AGTPBP1: variants seen among roughly 807,000 people sequenced by gnomAD.
AGTPBP1 encodes cytosolic carboxypeptidase 1.
A neutral mutation model predicts 143.9 loss-of-function variants in AGTPBP1; 70 were observed. The ratio of observed to expected loss-of-function variants is 0.49; its 90% CI spans 0.40 to 0.59. AGTPBP1 has a LOEUF of 0.59. Among genes scored for constraint, AGTPBP1 ranks in the 20% least tolerant of loss-of-function variants. AGTPBP1 has a pLI of 0.00. For missense variants in AGTPBP1, 1,229 were observed against 1,464.5 expected, an observed-to-expected ratio of 0.84 and a Z score of 2.62; for synonymous variants, 463 against 500.2, an observed-to-expected ratio of 0.93 and a Z score of 0.99.
chr9:85,592,502 A>G (rs1349803979), intron 19 of AGTPBP1, 58 bp downstream of exon 19: 2 of 1,248,786 alleles, frequency 1.6e-6, no homozygotes, highest in Non-Finnish European at 2.2e-6. Flanking sequence ...ACTAAACTCA[A>G]TTTTCTTCCA....
the AGTPBP1 span, among the ~76,000 whole-genome samples, chr9:85,762,647 G>C: frequency 1.3e-5 from 2 of 151,310 alleles, no homozygotes; most frequent in African/African-American, 4.9e-5. Context: ...GGCAGCGATA[G>C]CATTAGGAGA....
At chr9:85,638,880 A>T (rs974786091) in intron 13 of AGTPBP1, among the ~76,000 whole-genome samples, 1 of 152,096 alleles carries the variant, frequency 6.6e-6, no homozygotes. Context: ...TTTTTAAAAT[A>T]CTTTTCACAG....
chr9:85,772,429 C>T, the AGTPBP1 span, among the ~76,000 whole-genome samples: 3 of 152,206 alleles, frequency 2.0e-5, no homozygotes, highest in Middle Eastern at 3.4e-3. Flanking sequence ...TACTTCACAT[C>T]AGCAGGGAAG....
chr9:85,711,441 C>CTTTTT (rs746034159), intron 2 of AGTPBP1, among the ~76,000 whole-genome samples: 2 of 139,310 alleles, frequency 1.4e-5, no homozygotes, highest in African/African-American at 2.6e-5. Flanking sequence ...TTTTTTCTTT[C>CTTTTT]TTTTTTTTTT....
At chr9:85,648,884 A>G (rs920274215) in intron 11 of AGTPBP1, among the ~76,000 whole-genome samples, 2 of 152,182 alleles carry the variant, frequency 1.3e-5, no homozygotes, top group African/African-American at 4.8e-5. Context: ...GGGAGAGGAG[A>G]AAATGCAGTT....
chr9:85,799,454 T>C, the AGTPBP1 span, among the ~76,000 whole-genome samples: 1 of 152,144 alleles, frequency 6.6e-6, no homozygotes, highest in East Asian at 1.9e-4. Context: ...GGAGGATCAT[T>C]TGAGGCCAGG....
chr9:85,779,626 G>A, the AGTPBP1 span, among the ~76,000 whole-genome samples: 1 of 152,004 alleles, frequency 6.6e-6, no homozygotes, highest in Non-Finnish European at 1.5e-5. Flanking sequence ...TCAATACTTG[G>A]CATCAATACT....
In AGTPBP1 at chr9:85,639,367, GCACACACA is replaced by G. The variant is rs60915473; in HGVS notation, c.1302+3452_1302+3459del. 2.9e-3 allele frequency among the ~76,000 whole-genome samples: 423 copies of G among 147,326 alleles called. 2 individuals are homozygous for G. Among genetic ancestry groups the G allele is most frequent in the African/African-American group, 9.7e-3 (392 of 40,554 alleles). On this transcript the variant is annotated intron_variant, in intron 13 of 25. Transcript: ENST00000357081. Reference sequence around the variant, plus strand: ...TACACACACCCATGCGCGCGCACGCGCACACACACACACACACACACACACACACACAT... The same window carrying G: ...TACACACACCCATGCGCGCGCACGCGCACACACACACACACACACACACAT...
At chr9:85,677,374 G>T in intron 6 of AGTPBP1, 62 bp downstream of exon 6, 1 of 1,462,148 alleles carries the variant, frequency 6.8e-7, no homozygotes. Flanking sequence ...GTTACAAGGT[G>T]AGAGAATCAC....
intron 25 of AGTPBP1, among the ~76,000 whole-genome samples, chr9:85,575,068 T>G (rs1827810205): frequency 6.6e-6 from 1 of 152,254 alleles, no homozygotes; most frequent in African/African-American, 2.4e-5. Context: ...CTGTTCATTT[T>G]GGGGTTAAAA....
intron 9 of AGTPBP1, among the ~76,000 whole-genome samples, chr9:85,660,350 G>A (rs1326343826): frequency 1.3e-5 from 2 of 152,076 alleles, no homozygotes; most frequent in Non-Finnish European, 1.5e-5. Context: ...CAGTATCTTG[G>A]AGAGAAAAAA....
At chr9:85,613,784 T>C (rs547051324) in intron 17 of AGTPBP1, among the ~76,000 whole-genome samples, 146 of 152,198 alleles carry the variant, frequency 9.6e-4, no homozygotes, top group African/African-American at 3.3e-3. Flanking sequence ...CTTCCAAAAC[T>C]AGACAAAGAT....
chr9:85,709,845 T>C (rs1182835452), intron 2 of AGTPBP1, among the ~76,000 whole-genome samples: 2 of 152,180 alleles, frequency 1.3e-5, no homozygotes, highest in Non-Finnish European at 2.9e-5. Flanking sequence ...AGAAAATTTC[T>C]ACTTCTTAAT....
the AGTPBP1 span, among the ~76,000 whole-genome samples, chr9:85,801,052 C>T: frequency 6.6e-6 from 1 of 151,950 alleles, no homozygotes; most frequent in Non-Finnish European, 1.5e-5. Flanking sequence ...TGGCTCATGC[C>T]TATAATCCCA....
intron 25 of AGTPBP1, among the ~76,000 whole-genome samples, chr9:85,571,596 G>T (rs1176712463): frequency 6.6e-6 from 1 of 151,990 alleles, no homozygotes; most frequent in Non-Finnish European, 1.5e-5. Flanking sequence ...TTACAAAAGA[G>T]GAAAAAACTA....
intron 25 of AGTPBP1, among the ~76,000 whole-genome samples, chr9:85,548,071 G>A (rs1169786042): frequency 6.6e-6 from 1 of 152,100 alleles, no homozygotes; most frequent in Non-Finnish European, 1.5e-5. Flanking sequence ...AATCTCTAAG[G>A]TAGTGACCAA....
At chr9:85,764,288 G>C in the AGTPBP1 span, among the ~76,000 whole-genome samples, 4 of 151,976 alleles carry the variant, frequency 2.6e-5, no homozygotes, top group African/African-American at 4.8e-5. Flanking sequence ...CAGAACTTTG[G>C]GGGGCTGAGG....
At chr9:85,589,465 CGG>C in intron 20 of AGTPBP1, 61 bp downstream of exon 20, 1 of 1,511,018 alleles carries the variant, frequency 6.6e-7, no homozygotes, top group Non-Finnish European at 8.9e-7. Flanking sequence ...TTATAAAATA[CGG>C]TTAAAGCAAA....
At chr9:85,561,974 G>A (rs1826763283) in intron 25 of AGTPBP1, among the ~76,000 whole-genome samples, 1 of 151,758 alleles carries the variant, frequency 6.6e-6, no homozygotes, top group Non-Finnish European at 1.5e-5. Flanking sequence ...TAGGATTACA[G>A]GCACCTGCCA....
Sources: allele counts gnomAD v4.1 joint callset (sites outside exome capture counted in the v4.1 genomes callset), GRCh38; gene constraint gnomAD v4.1.1; transcripts MANE v1.5; gene names NCBI Gene and HGNC (gene_info 2026-07-23, HGNC 2026-07-21).